KIF16B: variants seen among roughly 807,000 people sequenced by gnomAD.
KIF16B encodes kinesin-like protein KIF16B.
In KIF16B, 98 loss-of-function variants were observed where a neutral mutation model predicts 156.3. That is an observed-to-expected ratio of 0.63 (90% CI 0.53 to 0.74). The LOEUF (loss-of-function observed/expected upper bound fraction) is 0.74, where lower values mean the gene tolerates loss of function less well. KIF16B is among the 30% of genes least tolerant of loss of function. The pLI, the probability that KIF16B is intolerant of heterozygous loss-of-function variation, is 0.00. For missense variants in KIF16B, 1,421 were observed against 1,606.5 expected (o/e 0.88, Z 1.97); for synonymous variants, 564 against 583.7 (o/e 0.97, Z 0.49).
intron 3 of KIF16B, among the ~76,000 whole-genome samples, chr20:16,523,543 AC>A (rs1425021582): frequency 1.3e-5 from 2 of 152,232 alleles, no homozygotes; most frequent in East Asian, 3.8e-4. Context: ...GAGGACACAA[AC>A]AAATGGAAAA....
intron 12 of KIF16B, among the ~76,000 whole-genome samples, chr20:16,446,408 T>G (rs1208646999): frequency 6.6e-6 from 1 of 152,202 alleles, no homozygotes; most frequent in African/African-American, 2.4e-5. Flanking sequence ...AGACATTTTT[T>G]AAATGTCACT....
chr20:16,282,753 C>G (rs965673690), intron 25 of KIF16B, among the ~76,000 whole-genome samples: 1 of 152,110 alleles, frequency 6.6e-6, no homozygotes, highest in Non-Finnish European at 1.5e-5. Context: ...TGGACCTGGG[C>G]TCTGCCAGTC....
intron 22 of KIF16B, among the ~76,000 whole-genome samples, chr20:16,365,640 T>C (rs1209335527): frequency 6.6e-6 from 1 of 152,184 alleles, no homozygotes; most frequent in African/African-American, 2.4e-5. Flanking sequence ...TAGCTTGTCA[T>C]TTCCTCCGTC....
At chr20:16,301,928 G>A (rs1399984376) in intron 25 of KIF16B, among the ~76,000 whole-genome samples, 4 of 152,210 alleles carry the variant, frequency 2.6e-5, no homozygotes, top group Admixed American at 6.5e-5. Flanking sequence ...GGGATTACAG[G>A]CGTGAGCCAC....
intron 19 of KIF16B, among the ~76,000 whole-genome samples, chr20:16,376,586 C>A (rs1203002140): frequency 6.6e-6 from 1 of 152,204 alleles, no homozygotes; most frequent in Non-Finnish European, 1.5e-5. Context: ...AATCCGTCGG[C>A]CTGAATTAGG....
rs566936326 is a variant in KIF16B, at chr20:16,327,013, ATG to A, written c.3711+8911_3711+8912del. On this transcript the variant is annotated intron_variant, in intron 24 of 25. Transcript: ENST00000354981. ...TGTGTATGTGTATGTGTATGCATAT[ATG>A]TGTGTGTATATATATACACACACAC... Among the ~76,000 whole-genome samples, 1,123 of 148,870 alleles carry A rather than the reference ATG, an allele frequency of 7.5e-3. 10 individuals carry two copies. The highest frequency in any genetic ancestry group is 9.7e-3 in the Non-Finnish European group (655 of 67,304).
intron 7 of KIF16B, 75 bp from the exon 8 acceptor site, chr20:16,506,265 A>G (rs986192977): frequency 3.2e-6 from 4 of 1,253,422 alleles, no homozygotes; most frequent in South Asian, 1.2e-5. Context: ...AATTCTAACT[A>G]TTTTCTGCTC....
chr20:16,568,413 T>C (rs558522846), intron 1 of KIF16B, among the ~76,000 whole-genome samples: 1 of 152,320 alleles, frequency 6.6e-6, no homozygotes, highest in Admixed American at 6.5e-5. Flanking sequence ...GTAAAAATAA[T>C]AGTAATGACA....
chr20:16,566,438 T>C (rs1304345090), intron 1 of KIF16B, among the ~76,000 whole-genome samples: 1 of 152,264 alleles, frequency 6.6e-6, no homozygotes, highest in East Asian at 1.9e-4. Flanking sequence ...ACACTACTAT[T>C]AGATGAAACT....
chr20:16,516,008 A>G (rs1301891081), intron 3 of KIF16B, among the ~76,000 whole-genome samples: 2 of 152,228 alleles, frequency 1.3e-5, no homozygotes, highest in African/African-American at 2.4e-5. Flanking sequence ...TTATATAAAT[A>G]TATAAAGCTA....
At chr20:16,305,135 C>T (rs953628241) in intron 25 of KIF16B, among the ~76,000 whole-genome samples, 6 of 152,034 alleles carry the variant, frequency 3.9e-5, no homozygotes, top group African/African-American at 7.2e-5. Context: ...CCCTTTACTG[C>T]GAGAAAAATA....
chr20:16,512,016 G>A lies in KIF16B; in HGVS notation c.447-489C>T, dbSNP rs192140315. 2.8e-3 allele frequency among the ~76,000 whole-genome samples: 420 copies of A among 152,046 alleles called. 1 individual carries two copies. Among genetic ancestry groups the A allele is most frequent in the African/African-American group, 9.6e-3 (396 of 41,456 alleles). On this transcript the variant is annotated intron_variant, in intron 5 of 25. Coordinates refer to ENST00000354981, the MANE Select transcript of KIF16B (RefSeq NM_024704.5). ...ATAAAAATTAGCTGGGTGTGGTAGC[G>A]GACACCTGTAATCCCAGCTACTCAG...
intron 1 of KIF16B, among the ~76,000 whole-genome samples, chr20:16,546,909 T>A (rs1022062356): frequency 7.9e-5 from 12 of 152,124 alleles, no homozygotes; most frequent in Non-Finnish European, 1.6e-4. Context: ...CCTGAGTAGC[T>A]GGGATTACAG....
chr20:16,363,845 G>A (rs1464080484), intron 22 of KIF16B, among the ~76,000 whole-genome samples: 1 of 152,104 alleles, frequency 6.6e-6, no homozygotes, highest in African/African-American at 2.4e-5. Context: ...AATTTGGGGG[G>A]GTTGTTTGTT....
At chr20:16,361,560 C>T (rs866697580) in intron 22 of KIF16B, among the ~76,000 whole-genome samples, 1 of 152,156 alleles carries the variant, frequency 6.6e-6, no homozygotes, top group Non-Finnish European at 1.5e-5. Context: ...ACATCCTGTC[C>T]ATCCCTGTGA....
At chr20:16,360,798 T>C (rs59129535) in intron 22 of KIF16B, among the ~76,000 whole-genome samples, 2,628 of 152,320 alleles carry the variant, frequency 0.017, 83 homozygotes, top group African/African-American at 0.06. Flanking sequence ...ATAAGGTACA[T>C]TGTAAATATT....
At chr20:16,327,136 G>C (rs1170042977) in intron 24 of KIF16B, among the ~76,000 whole-genome samples, 1 of 149,390 alleles carries the variant, frequency 6.7e-6, no homozygotes, top group Non-Finnish European at 1.5e-5. Flanking sequence ...AAAGAAACAA[G>C]ATAATGGCAT....
intron 14 of KIF16B, 31 bp from the exon 15 acceptor site, chr20:16,427,272 T>A (rs746319648): frequency 1.3e-6 from 2 of 1,589,542 alleles, no homozygotes; most frequent in Non-Finnish European, 1.7e-6. Context: ...AGAAAGAATT[T>A]TTCCCCCTTT....
intron 3 of KIF16B, among the ~76,000 whole-genome samples, chr20:16,517,714 G>A (rs1310495291): frequency 6.6e-6 from 1 of 152,142 alleles, no homozygotes; most frequent in African/African-American, 2.4e-5. Flanking sequence ...CAGACCACCA[G>A]TTGGAGGCTC....
Sources: gnomAD v4.1 joint callset for allele counts (sites outside exome capture counted in the v4.1 genomes callset) on GRCh38, gnomAD v4.1.1 for gene constraint, MANE v1.5 for transcripts, NCBI Gene and HGNC (gene_info 2026-07-23, HGNC 2026-07-21) for gene names.